Variants in SEC14L4 observed in about 807,000 individuals in gnomAD.
SEC14L4 encodes SEC14-like protein 4.
A neutral mutation model predicts 55.1 loss-of-function variants in SEC14L4; 42 were observed. The ratio of observed to expected loss-of-function variants is 0.76; its 90% CI spans 0.60 to 0.99. The LOEUF is 0.99. Among genes scored for constraint, SEC14L4 ranks in the 50% least tolerant of loss-of-function variants. SEC14L4 has a pLI of 0.00. For synonymous variants in SEC14L4, 206 were observed against 206.8 expected (o/e 1.00, Z 0.03); for missense variants, 445 against 512.1 (o/e 0.87, Z 1.27).
At chr22:30,499,103 G>C (rs1021439792) in intron 2 of SEC14L4, among the ~76,000 whole-genome samples, 1 of 151,936 alleles carries the variant, frequency 6.6e-6, no homozygotes, top group Non-Finnish European at 1.5e-5. Flanking sequence ...ACCACGCCCA[G>C]CTAATTTTTT....
chr22:30,490,067 T>C lies in SEC14L4; in HGVS notation c.*40A>G, dbSNP rs1322335943. 1 of 1,606,920 alleles carries C rather than the reference T, an allele frequency of 6.2e-7. No homozygotes were observed. The highest frequency in any genetic ancestry group is 1.1e-5 in the South Asian group (1 of 90,140). ...AAGGCAGGGGTCAGAGGGGTGGGTG[T>C]GAAGGGGTTGGAGTGCACAGGTAGA... On this transcript the variant is annotated 3_prime_UTR_variant, in exon 12 of 12. Coordinates refer to ENST00000255858, the MANE Select transcript of SEC14L4 (RefSeq NM_174977.4).
chr22:30,505,003 G>T (rs148810984), intron 1 of SEC14L4, among the ~76,000 whole-genome samples: 3,946 of 151,956 alleles, frequency 0.026, 112 homozygotes, highest in South Asian at 0.13. Context: ...GTGGTGGCGG[G>T]CACCTGTAGC....
chr22:30,503,719 G>C lies in SEC14L4; in HGVS notation c.88C>G (p.Leu30Val), dbSNP rs1458308411. ...RENLQDLLPI[L>V]PNADDYFLLR... is the part of the protein sequence containing the mutation. ...AGGAAGTAGTCATCAGCATTGGGCA[G>C]TATGGGCAGCAGGTCCTGGAGGTTC... The change falls in exon 2 of 12, where the codon CTG becomes GTG. Residue 30 changes from leucine to valine, a missense_variant. Coordinates refer to ENST00000255858, the MANE Select transcript of SEC14L4 (RefSeq NM_174977.4). 2.5e-6 allele frequency: 4 copies of C among 1,612,394 alleles called. No homozygotes were observed. Among genetic ancestry groups the C allele is most frequent in the Non-Finnish European group, 3.4e-6 (4 of 1,178,990 alleles).
Position 30,492,091 on chromosome 22 carries a change from C to T in SEC14L4, c.729G>A (p.Gly243=). ...GGTTGCCATCGGGGTCAGTCATGGT[C>T]CCCCCAAACTCCACAGGCAGCTGGT... ...SPDQLPVEFG[G]TMTDPDGNPK... is the part of the protein sequence containing the mutation. Residue 243 remains glycine, a synonymous_variant, in exon 9 of 12, where the codon GGG becomes GGA. Coordinates refer to ENST00000255858, the MANE Select transcript of SEC14L4 (RefSeq NM_174977.4). 1 of 1,613,820 alleles carries T rather than the reference C, an allele frequency of 6.2e-7. No individual in the cohort carries two copies.
intron 7 of SEC14L4, 58 bp from the exon 8 acceptor site, chr22:30,492,615 G>T: frequency 7.4e-7 from 1 of 1,360,240 alleles, no homozygotes; most frequent in Non-Finnish European, 1.1e-6. Context: ...GGGATACAGA[G>T]CCACAGCCAA....
At chr22:30,490,333 C>T (rs773541176) in intron 11 of SEC14L4, 87 bp from the exon 12 acceptor site, 11 of 1,585,538 alleles carry the variant, frequency 6.9e-6, no homozygotes, top group Admixed American at 5.1e-5. Context: ...CCCTGGAACC[C>T]TTGGGAATGA....
chr22:30,500,949 A>G (rs894369624), intron 2 of SEC14L4, among the ~76,000 whole-genome samples: 17 of 151,318 alleles, frequency 1.1e-4, no homozygotes, highest in African/African-American at 4.1e-4. Context: ...TAATCCCCGC[A>G]CTTTGAGAGG....
intron 2 of SEC14L4, among the ~76,000 whole-genome samples, chr22:30,496,899 TGACTGTTGCTCTCTGA>T (rs1936169336): frequency 6.6e-6 from 1 of 152,190 alleles, no homozygotes; most frequent in Non-Finnish European, 1.5e-5. Flanking sequence ...AGAAATGCTT[TGACTGTTGCTCTCTGA>T]GACCCCTGGC....
In SEC14L4 at chr22:30,492,354, C is replaced by T. The variant is rs146781142; in HGVS notation, c.664+120G>A. On this transcript the variant is annotated intron_variant, in intron 8 of 11. Coordinates refer to ENST00000255858, the MANE Select transcript of SEC14L4 (RefSeq NM_174977.4). Reference sequence around the variant, plus strand: ...GGCATTGCCCGTGCGTGTGGAGGCTCACCAGGGTCAGGCCAGGGGTAGTGC... The same window carrying T: ...GGCATTGCCCGTGCGTGTGGAGGCTTACCAGGGTCAGGCCAGGGGTAGTGC... 6.5e-4 allele frequency: 752 copies of T among 1,162,358 alleles called. 5 individuals carry two copies. The African/African-American group carries it at 0.01, about 16-fold the overall frequency. 72.0% of individuals were successfully genotyped at this position (1,162,358 alleles called of 1,614,324 possible).
chr22:30,497,408 C>T (rs1936185205), intron 2 of SEC14L4, among the ~76,000 whole-genome samples: 2 of 151,914 alleles, frequency 1.3e-5, no homozygotes, highest in African/African-American at 2.4e-5. Flanking sequence ...ACCTGTAGTC[C>T]CAGCTACTCG....
chr22:30,503,671 C>G lies in SEC14L4; in HGVS notation c.130+6G>C. Reference sequence around the variant, plus strand: ...TTCTGCGTCCCCTGACCCCTGCAAGCCTCACCTCGCAGCCAGCGCAGGAGG... The same window carrying G: ...TTCTGCGTCCCCTGACCCCTGCAAGGCTCACCTCGCAGCCAGCGCAGGAGG... On this transcript the variant is annotated splice_donor_region_variant and intron_variant, in intron 2 of 11. Coordinates refer to ENST00000255858, the MANE Select transcript of SEC14L4 (RefSeq NM_174977.4). The G allele has an allele frequency of 6.2e-7, 1 of 1,605,970 alleles. No homozygotes were observed. Among genetic ancestry groups the G allele is most frequent in the South Asian group, 1.1e-5 (1 of 90,844 alleles).
chr22:30,497,294 G>A (rs1936181459), intron 2 of SEC14L4, among the ~76,000 whole-genome samples: 1 of 151,958 alleles, frequency 6.6e-6, no homozygotes, highest in Non-Finnish European at 1.5e-5. Context: ...AGCCGAGATC[G>A]CATCATTGCA....
chr22:30,505,368 G>A (rs1230832003), intron 1 of SEC14L4, among the ~76,000 whole-genome samples, 190 bp downstream of exon 1: 1 of 152,194 alleles, frequency 6.6e-6, no homozygotes, highest in Non-Finnish European at 1.5e-5. Flanking sequence ...TGGTCACGCA[G>A]AGATGGGCCC....
At chr22:30,499,614 C>T (rs1471587093) in intron 2 of SEC14L4, among the ~76,000 whole-genome samples, 1 of 151,378 alleles carries the variant, frequency 6.6e-6, no homozygotes, top group Non-Finnish European at 1.5e-5. Flanking sequence ...TGGCTCATGC[C>T]TGTAATCCCA....
At chr22:30,502,372 A>G (rs1437126481) in intron 2 of SEC14L4, among the ~76,000 whole-genome samples, 1 of 152,198 alleles carries the variant, frequency 6.6e-6, no homozygotes, top group Non-Finnish European at 1.5e-5. Flanking sequence ...TGCCACAGGC[A>G]CATGCTAGCA....
rs765357868 is a variant in SEC14L4, at chr22:30,503,718, A to C, written c.89T>G (p.Leu30Arg). 1.2e-5 allele frequency: 20 copies of C among 1,612,348 alleles called. No individual in the cohort carries two copies. The East Asian group carries it at 4.0e-4, about 32-fold the overall frequency. Reference protein sequence around the residue: ...RENLQDLLPILPNADDYFLLR... With the variant: ...RENLQDLLPIRPNADDYFLLR... ...GAGGAAGTAGTCATCAGCATTGGGC[A>C]GTATGGGCAGCAGGTCCTGGAGGTT... The change falls in exon 2 of 12, where the codon CTG becomes CGG. Residue 30 changes from leucine (L) to arginine (R), a missense_variant. Physicochemically the swap from Leu to Arg is moderately radical, Grantham distance 102. Coordinates refer to ENST00000255858, the MANE Select transcript of SEC14L4 (RefSeq NM_174977.4).
At chr22:30,495,138 C>T (rs1601847179) in intron 5 of SEC14L4, 116 bp downstream of exon 5, 3 of 1,137,532 alleles carry the variant, frequency 2.6e-6, no homozygotes, top group East Asian at 5.1e-5. Flanking sequence ...GGGAGAAGCC[C>T]ACATTCCACC....
chr22:30,492,259 C>T (rs1935988403), intron 8 of SEC14L4, 104 bp from the exon 9 acceptor site: 3 of 1,392,778 alleles, frequency 2.2e-6, no homozygotes, highest in African/African-American at 1.4e-5. Flanking sequence ...TGGGCGTGCT[C>T]CCCCGGGCAC....
chr22:30,495,102 C>T (rs1936095438), intron 5 of SEC14L4, 141 bp from the exon 6 acceptor site: 1 of 983,610 alleles, frequency 1.0e-6, no homozygotes, highest in Admixed American at 2.4e-5. Context: ...ATGGACAACA[C>T]CTCACTTTTA....
Sources: gnomAD v4.1 joint callset for allele counts (sites outside exome capture counted in the v4.1 genomes callset) on GRCh38, gnomAD v4.1.1 for gene constraint, MANE v1.5 for transcripts, NCBI Gene and HGNC (gene_info 2026-07-23, HGNC 2026-07-21) for gene names.